RPH3A: variants seen among roughly 807,000 people sequenced by gnomAD.
RPH3A encodes rabphilin-3A.
Under a neutral mutation model 102.2 loss-of-function variants are expected in RPH3A, and 48 were observed. The ratio of observed to expected loss-of-function variants is 0.47; its 90% CI spans 0.37 to 0.60. RPH3A has a LOEUF of 0.60. Among genes scored for constraint, RPH3A ranks in the 20% least tolerant of loss-of-function variants. RPH3A has a pLI of 0.00. For missense variants in RPH3A, 781 were observed against 910.1 expected, an observed-to-expected ratio of 0.86 and a Z score of 1.83; for synonymous variants, 310 against 324.3, an observed-to-expected ratio of 0.96 and a Z score of 0.47.
chr12:112,787,381 T>G (rs1159720608), upstream of RPH3A, among the ~76,000 whole-genome samples: 1 of 152,156 alleles, frequency 6.6e-6, no homozygotes, highest in Non-Finnish European at 1.5e-5. Flanking sequence ...GATAAACTGT[T>G]CAGATTCACA....
At chr12:112,738,198 ATT>A (rs34485530) in intron 1 of RPH3A, among the ~76,000 whole-genome samples, 2 of 149,288 alleles carry the variant, frequency 1.3e-5, no homozygotes, top group East Asian at 2.0e-4. Context: ...TAATTAATTA[ATT>A]TTTTTTTTTA....
intron 1 of RPH3A, among the ~76,000 whole-genome samples, chr12:112,643,174 A>G (rs1694062722): frequency 6.6e-6 from 1 of 152,166 alleles, no homozygotes; most frequent in Non-Finnish European, 1.5e-5. Flanking sequence ...GAATCTGTGC[A>G]TTTAACCACC....
chr12:112,663,486 C>T (rs2040064129), intron 1 of RPH3A, among the ~76,000 whole-genome samples: 1 of 152,014 alleles, frequency 6.6e-6, no homozygotes, highest in South Asian at 2.1e-4. Context: ...TAGCTGTGAC[C>T]ATAGACATGC....
At chr12:112,631,876 A>G (rs960902013) in intron 1 of RPH3A, among the ~76,000 whole-genome samples, 7 of 152,146 alleles carry the variant, frequency 4.6e-5, no homozygotes, top group African/African-American at 1.7e-4. Flanking sequence ...ACATGGATAT[A>G]TTGCATATGG....
Position 112,865,529 on chromosome 12 carries a change from G to A in RPH3A, c.346G>A (p.Glu116Lys). 6.2e-7 allele frequency: 1 copy of A among 1,613,714 alleles called. No individual in the cohort carries two copies. The highest frequency in any genetic ancestry group is 8.5e-7 in the Non-Finnish European group (1 of 1,179,946). Residue 116 changes from glutamate to lysine, a missense_variant, in exon 6 of 22, where the codon GAG becomes AAG. Physicochemically the swap from Glu to Lys is moderately conservative, Grantham distance 56. Coordinates refer to ENST00000389385, the MANE Select transcript of RPH3A (RefSeq NM_001143854.2). Reference sequence around the variant, plus strand: ...GCTGGGCTCTGCCTGTGTAGTATGTGAGGACTGTAAGAAGGTATCATCATC... The same window carrying A: ...GCTGGGCTCTGCCTGTGTAGTATGTAAGGACTGTAAGAAGGTATCATCATC... ...GMLGSACVVC[E>K]DCKKNVCTKC...
chr12:112,779,795 A>T (rs555588247), intron 1 of RPH3A, among the ~76,000 whole-genome samples: 1 of 152,270 alleles, frequency 6.6e-6, no homozygotes, highest in South Asian at 2.1e-4. Flanking sequence ...GAGTCCTTGC[A>T]GATATAAACA....
intron 1 of RPH3A, among the ~76,000 whole-genome samples, chr12:112,714,020 C>A (rs1484745036): frequency 1.3e-5 from 2 of 152,090 alleles, no homozygotes; most frequent in Non-Finnish European, 2.9e-5. Flanking sequence ...TAGGAGGGTA[C>A]CCCCTCATGG....
intron 2 of RPH3A, among the ~76,000 whole-genome samples, chr12:112,822,977 G>A (rs980087460): frequency 1.3e-5 from 2 of 152,242 alleles, no homozygotes; most frequent in Non-Finnish European, 2.9e-5. Flanking sequence ...AAGAGCTGGA[G>A]TCTCTGGTTT....
chr12:112,577,708 A>ATTTTTTTTTT (rs544357302), intron 1 of RPH3A, among the ~76,000 whole-genome samples: 1 of 134,006 alleles, frequency 7.5e-6, no homozygotes, highest in Non-Finnish European at 1.6e-5. Context: ...ATGCCCACCT[A>ATTTTTTTTTT]TTTTTTTTTT....
At chr12:112,824,695 A>G (rs1347250503) in intron 2 of RPH3A, among the ~76,000 whole-genome samples, 1 of 152,160 alleles carries the variant, frequency 6.6e-6, no homozygotes, top group Non-Finnish European at 1.5e-5. Context: ...GGCCAAGCTG[A>G]AATAACCAGG....
intron 5 of RPH3A, among the ~76,000 whole-genome samples, chr12:112,853,276 C>T (rs181978953): frequency 6.6e-6 from 1 of 152,312 alleles, no homozygotes; most frequent in Admixed American, 6.5e-5. Context: ...GACTCTTCTC[C>T]CGCATTTAAA....
chr12:112,889,954 C>A, intron 17 of RPH3A, 70 bp from the exon 18 acceptor site: 1 of 1,421,416 alleles, frequency 7.0e-7, no homozygotes, highest in Non-Finnish European at 9.9e-7. Flanking sequence ...TGAGGGGTTT[C>A]TGGTCCTTCT....
intron 6 of RPH3A, among the ~76,000 whole-genome samples, chr12:112,866,485 G>GTTTTTTTC (rs2042613426): frequency 1.3e-5 from 2 of 152,146 alleles, no homozygotes; most frequent in African/African-American, 4.8e-5. Flanking sequence ...AAGTATGTCA[G>GTTTTTTTC]TGATCTCCCC....
At chr12:112,800,471 A>T (rs558659750) in intron 2 of RPH3A, among the ~76,000 whole-genome samples, 3 of 152,282 alleles carry the variant, frequency 2.0e-5, no homozygotes, top group African/African-American at 7.2e-5. Flanking sequence ...AGGGTAGCCA[A>T]GGAGTCTGGG....
rs10563429 is a variant in RPH3A, at chr12:112,897,145, T to TACACAC, written c.*390_*395dup. On this transcript the variant is annotated 3_prime_UTR_variant, in exon 22 of 22. Transcript: ENST00000389385. Reference sequence around the variant, plus strand: ...CCTCCTAGCCTTGAACACACACATGTACACACACACACACACACACACACA... The same window carrying TACACAC: ...CCTCCTAGCCTTGAACACACACATGTACACACACACACACACACACACACACACACA... 615 of 183,692 alleles carry TACACAC rather than the reference T, an allele frequency of 3.3e-3. 4 individuals carry two copies. Among genetic ancestry groups the TACACAC allele is most frequent in the African/African-American group, 0.014 (571 of 42,112 alleles). 11.4% of individuals were successfully genotyped at this position (183,692 alleles called of 1,614,324 possible). A position where few individuals can be genotyped will look rare whatever the true frequency, so the allele number is the denominator to read the frequency against.
At chr12:112,588,472 T>C (rs1169365322) in intron 1 of RPH3A, among the ~76,000 whole-genome samples, 1 of 152,158 alleles carries the variant, frequency 6.6e-6, no homozygotes, top group East Asian at 1.9e-4. Flanking sequence ...GAAAATAGCA[T>C]GGGAAAAAAC....
At chr12:112,775,230 CA>C (rs1202892645) in intron 1 of RPH3A, among the ~76,000 whole-genome samples, 1 of 151,370 alleles carries the variant, frequency 6.6e-6, no homozygotes, top group African/African-American at 2.4e-5. Flanking sequence ...AACAAAAAAT[CA>C]AAAAAAAGTT....
chr12:112,878,488 AAGAT>A (rs1379720983), intron 13 of RPH3A, among the ~76,000 whole-genome samples: 1 of 152,242 alleles, frequency 6.6e-6, no homozygotes, highest in Non-Finnish European at 1.5e-5. Context: ...TGGAAAAAAA[AAGAT>A]AGACATGCCA....
At chr12:112,787,570 C>G (rs771397444), upstream of RPH3A, among the ~76,000 whole-genome samples, 13 of 152,122 alleles carry the variant, frequency 8.5e-5, no homozygotes, top group Non-Finnish European at 1.6e-4. Flanking sequence ...TAAGCACCTG[C>G]CCCCTGCAAA....
Sources: gnomAD v4.1 joint callset for allele counts (sites outside exome capture counted in the v4.1 genomes callset) on GRCh38, gnomAD v4.1.1 for gene constraint, MANE v1.5 for transcripts, NCBI Gene and HGNC (gene_info 2026-07-23, HGNC 2026-07-21) for gene names.